SENP6: variants seen among roughly 807,000 people sequenced by gnomAD.
The protein encoded by SENP6 is SUMO specific peptidase 6.
SENP6 carries 41 observed loss-of-function variants against 134.5 expected under a neutral mutation model. That is an observed-to-expected ratio of 0.30 (90% confidence interval 0.24 to 0.40). The LOEUF is 0.40. Ranked by LOEUF, SENP6 falls within the 10% of genes least tolerant of loss-of-function variation. The pLI is 1.00. For missense variants in SENP6, 1,248 were observed against 1,312.5 expected (o/e 0.95, Z 0.76); for synonymous variants, 395 against 429.8 (o/e 0.92, Z 1.00).
chr6:75,608,097 T>C (rs1361558644), intron 1 of SENP6, among the ~76,000 whole-genome samples: 1 of 152,228 alleles, frequency 6.6e-6, no homozygotes, highest in Non-Finnish European at 1.5e-5. Flanking sequence ...GTTAAAGTGA[T>C]AAATTCTGTT....
rs752007860 is a variant in SENP6, at chr6:75,677,124, A to G, written c.1716A>G (p.Ile572Met). Residue 572 changes from isoleucine to methionine, a missense_variant, in exon 14 of 24, where the codon ATA (isoleucine) becomes ATG (methionine). By Grantham distance (10) the Ile-to-Met change is conservative. Around this residue, in one of 3 missense-constraint regions of SENP6, gnomAD observed 733 missense variants for 725.4 expected, o/e 1.01. Transcript: ENST00000447266. ...VFESIINEIGIKNNISNFFAK... is the reference protein window; with the variant it reads ...VFESIINEIGMKNNISNFFAK... ...AAAGTATCATTAATGAAATTGGTAT[A>G]AAGAATAACATCTCCAATTTTTTTG... The G allele has an allele frequency of 1.9e-6, 3 of 1,610,220 alleles. No homozygotes were observed. The highest frequency in any genetic ancestry group is 1.1e-5 in the South Asian group (1 of 90,672).
intron 5 of SENP6, among the ~76,000 whole-genome samples, chr6:75,636,193 A>T (rs929538998): frequency 6.6e-6 from 1 of 152,144 alleles, no homozygotes; most frequent in Non-Finnish European, 1.5e-5. Context: ...TTATACTGGT[A>T]AAATGTTTCT....
At position 75,715,386 on chromosome 6, in the gene SENP6, A is replaced by G; in HGVS notation, c.3131A>G (p.Asn1044Ser). 6.2e-7 allele frequency: 1 copy of G among 1,600,484 alleles called. No homozygotes were observed. The highest frequency in any genetic ancestry group is 8.5e-7 in the Non-Finnish European group (1 of 1,171,230). The change falls in exon 24 of 24, where the codon AAT becomes AGT. Residue 1044 changes from asparagine (N) to serine (S), a missense_variant and splice_region_variant. Coordinates refer to ENST00000447266, the MANE Select transcript of SENP6 (RefSeq NM_015571.4). ...VLQYVESFFE[N>S]PILSFELPMN... The stretch of plus-strand genomic sequence containing the variant: ...ATACGCATTTAATTGTATTTTCAGA[A>G]TCCAATTCTCAGTTTTGAACTACCT...
chr6:75,677,143 T>C lies in SENP6; in HGVS notation c.1735T>C (p.Phe579Leu). Residue 579 changes from phenylalanine (F) to leucine (L), a missense_variant, in exon 14 of 24, where the codon TTT (phenylalanine) becomes CTT (leucine). Coordinates refer to ENST00000447266, the MANE Select transcript of SENP6 (RefSeq NM_015571.4). ...TGGTATAAAGAATAACATCTCCAAT[T>C]TTTTTGCGAAAATTCCCTTTGAAGA... Reference protein sequence around the residue: ...EIGIKNNISNFFAKIPFEEAN... With the variant: ...EIGIKNNISNLFAKIPFEEAN... 5.0e-6 allele frequency: 8 copies of C among 1,612,274 alleles called. No individual in the cohort carries two copies. The highest frequency in any genetic ancestry group is 6.8e-6 in the Non-Finnish European group (8 of 1,178,840).
At chr6:75,714,141 C>G (rs1220836163) in intron 23 of SENP6, among the ~76,000 whole-genome samples, 1 of 152,190 alleles carries the variant, frequency 6.6e-6, no homozygotes, top group African/African-American at 2.4e-5. Context: ...CTTTTCTCCT[C>G]TTCATAGATA....
chr6:75,673,171 C>G lies in SENP6; in HGVS notation c.1393-2264C>G, dbSNP rs118042537. Among the ~76,000 whole-genome samples, 1,253 of 152,058 alleles carry G rather than the reference C, an allele frequency of 8.2e-3. 2 individuals carry two copies. The highest frequency in any genetic ancestry group is 0.013 in the Non-Finnish European group (910 of 67,966). Reference sequence around the variant, plus strand: ...CGTCCATTTTATTTAAAAGCAAGTGCTTTTTTAAAGAAGTAAAATGGCATA... The same window carrying G: ...CGTCCATTTTATTTAAAAGCAAGTGGTTTTTTAAAGAAGTAAAATGGCATA... On this transcript the variant is annotated intron_variant, in intron 11 of 23. Coordinates refer to ENST00000447266, the MANE Select transcript of SENP6 (RefSeq NM_015571.4).
intron 8 of SENP6, 25 bp from the exon 9 acceptor site, chr6:75,663,196 A>G: frequency 6.3e-7 from 1 of 1,597,590 alleles, no homozygotes; most frequent in Non-Finnish European, 8.5e-7. Context: ...CCAAATGCCA[A>G]AGTTGTGGTG....
intron 7 of SENP6, among the ~76,000 whole-genome samples, chr6:75,658,326 TATATA>T (rs1771500569): frequency 6.6e-6 from 1 of 152,158 alleles, no homozygotes; most frequent in Non-Finnish European, 1.5e-5. Flanking sequence ...AATTAAATAT[TATATA>T]ATATTGATTT....
At chr6:75,603,898 A>G (rs1766825484) in intron 1 of SENP6, among the ~76,000 whole-genome samples, 1 of 152,190 alleles carries the variant, frequency 6.6e-6, no homozygotes, top group African/African-American at 2.4e-5. Context: ...AGAGTAAGAA[A>G]AGCTTCTGAG....
chr6:75,682,872 G>A (rs1319769403), intron 16 of SENP6, among the ~76,000 whole-genome samples: 2 of 152,112 alleles, frequency 1.3e-5, no homozygotes, highest in Non-Finnish European at 2.9e-5. Flanking sequence ...ACATACATGT[G>A]CATGTGTCTT....
chr6:75,639,672 T>C (rs1769878803), intron 5 of SENP6, among the ~76,000 whole-genome samples: 1 of 152,138 alleles, frequency 6.6e-6, no homozygotes, highest in South Asian at 2.1e-4. Context: ...TGTTAATAGC[T>C]TTTTGGAGTT....
intron 3 of SENP6, among the ~76,000 whole-genome samples, chr6:75,631,017 T>C (rs1769073501): frequency 6.6e-6 from 1 of 151,996 alleles, no homozygotes; most frequent in Non-Finnish European, 1.5e-5. Flanking sequence ...AATCCATACA[T>C]TGGATTTTTT....
intron 1 of SENP6, among the ~76,000 whole-genome samples, chr6:75,619,941 A>G (rs1768140713): frequency 6.6e-6 from 1 of 152,000 alleles, no homozygotes; most frequent in African/African-American, 2.4e-5. Flanking sequence ...AAAAATTTAA[A>G]AATTTCCTGA....
Position 75,713,693 on chromosome 6 carries a change from G to C in SENP6, c.2997G>C (p.Trp999Cys). ...KILREYLEVEWEVKKGSKRSF... is the reference protein window; with the variant it reads ...KILREYLEVECEVKKGSKRSF... ...ATTGCAGGTATTTAGAAGTGGAATG[G>C]GAAGTTAAAAAAGGAAGCAAAAGAA... Residue 999 changes from tryptophan (W) to cysteine (C), a missense_variant, in exon 23 of 24, where the codon TGG becomes TGC. Physicochemically the swap from Trp to Cys is radical, Grantham distance 215. This residue lies in a region of SENP6 where 386 missense variants were observed against 395.0 expected (regional missense o/e 0.98). Coordinates refer to ENST00000447266, the MANE Select transcript of SENP6 (RefSeq NM_015571.4). 6.2e-7 allele frequency: 1 copy of C among 1,611,978 alleles called. No homozygotes were observed. Among genetic ancestry groups the C allele is most frequent in the Non-Finnish European group, 8.5e-7 (1 of 1,178,578 alleles).
At chr6:75,687,310 A>G (rs1451380160) in intron 16 of SENP6, among the ~76,000 whole-genome samples, 1 of 152,036 alleles carries the variant, frequency 6.6e-6, no homozygotes, top group East Asian at 1.9e-4. Context: ...ATCTTTTTTC[A>G]TGGTGTTTAG....
chr6:75,638,240 TTG>T (rs1448801522), intron 5 of SENP6, among the ~76,000 whole-genome samples: 6 of 89,144 alleles, frequency 6.7e-5, no homozygotes, highest in African/African-American at 2.1e-4. Context: ...CCCTTTTCTT[TTG>T]TTTTTTTTTT....
intron 7 of SENP6, among the ~76,000 whole-genome samples, chr6:75,656,976 G>T (rs748769927): frequency 1.3e-5 from 2 of 152,174 alleles, no homozygotes; most frequent in Non-Finnish European, 2.9e-5. Flanking sequence ...GTGAAGAGAA[G>T]AGTGTGATTA....
intron 16 of SENP6, among the ~76,000 whole-genome samples, chr6:75,682,178 A>C (rs1036051480): frequency 6.6e-6 from 1 of 152,174 alleles, no homozygotes; most frequent in Admixed American, 6.5e-5. Flanking sequence ...ATGATCCACC[A>C]AGAAAACATA....
chr6:75,671,558 C>T (rs768104639), intron 11 of SENP6, among the ~76,000 whole-genome samples: 1 of 152,154 alleles, frequency 6.6e-6, no homozygotes, highest in Non-Finnish European at 1.5e-5. Context: ...CCCATCTCTA[C>T]TAAAAATAGA....
Sources: allele counts gnomAD v4.1 joint callset (sites outside exome capture counted in the v4.1 genomes callset), GRCh38; gene constraint gnomAD v4.1.1; regional missense constraint gnomAD v4.1.1; transcripts MANE v1.5; gene names NCBI Gene and HGNC (gene_info 2026-07-23, HGNC 2026-07-21).